EEIG2: variants seen among roughly 807,000 people sequenced by gnomAD.
EEIG2 encodes the protein EEIG family member 2.
At chr1:108,571,086 C>T in the EEIG2 span, among the ~76,000 whole-genome samples, 5 of 152,102 alleles carry the variant, frequency 3.3e-5, no homozygotes, top group African/African-American at 9.7e-5. Flanking sequence ...TTACGATAGC[C>T]AGAATGATTG....
At chr1:108,597,497 A>T in the EEIG2 span, among the ~76,000 whole-genome samples, 1 of 152,350 alleles carries the variant, frequency 6.6e-6, no homozygotes, top group East Asian at 1.9e-4. Flanking sequence ...TCAGGGAAGG[A>T]GAGGTCTGCA....
the EEIG2 span, among the ~76,000 whole-genome samples, chr1:108,593,074 C>T: frequency 6.6e-6 from 1 of 152,304 alleles, no homozygotes; most frequent in East Asian, 1.9e-4. Flanking sequence ...AGAAAAATTG[C>T]TTGAACCTGA....
At chr1:108,637,223 T>C in the EEIG2 span, 1 of 152,182 alleles carries the variant, frequency 6.6e-6, no homozygotes, top group African/African-American at 2.4e-5. Flanking sequence ...AGATACACCT[T>C]GATTTATGTA....
chr1:108,628,185 C>T, the EEIG2 span: 1 of 1,614,078 alleles, frequency 6.2e-7, no homozygotes. Context: ...GCAAAGAGTG[C>T]CTCTGTTCCA....
chr1:108,622,500 G>A, the EEIG2 span, among the ~76,000 whole-genome samples: 1 of 152,200 alleles, frequency 6.6e-6, no homozygotes, highest in Non-Finnish European at 1.5e-5. Context: ...ATGGGAAAAT[G>A]TTATTAGGAA....
At chr1:108,639,191 C>A in the EEIG2 span, 1 of 140,216 alleles carries the variant, frequency 7.1e-6, no homozygotes, top group African/African-American at 2.6e-5. Flanking sequence ...TATTTTATTT[C>A]TTTGTTTCAA....
chr1:108,588,655 T>C, the EEIG2 span, among the ~76,000 whole-genome samples: 1 of 152,128 alleles, frequency 6.6e-6, no homozygotes, highest in African/African-American at 2.4e-5. Context: ...TGAAATTTAC[T>C]CTCTTAGTGT....
chr1:108,565,643 T>C, the EEIG2 span, among the ~76,000 whole-genome samples: 1 of 152,166 alleles, frequency 6.6e-6, no homozygotes, highest in South Asian at 2.1e-4. Flanking sequence ...GATAGCCAAA[T>C]AGTTTTCTAA....
the EEIG2 span, among the ~76,000 whole-genome samples, chr1:108,608,686 T>C: frequency 6.6e-6 from 1 of 152,254 alleles, no homozygotes; most frequent in East Asian, 1.9e-4. Context: ...TAGTAACTTT[T>C]AGCCTGAAAT....
At chr1:108,561,772 A>G in the EEIG2 span, among the ~76,000 whole-genome samples, 2 of 152,230 alleles carry the variant, frequency 1.3e-5, no homozygotes, top group Non-Finnish European at 2.9e-5. Flanking sequence ...GGTGCAAAAA[A>G]AATATTGGAC....
At chr1:108,612,302 C>T in the EEIG2 span, 21 of 1,550,946 alleles carry the variant, frequency 1.4e-5, no homozygotes, top group East Asian at 4.5e-5. Context: ...AAAGTAAGCA[C>T]GTTTCAGGAT....
At chr1:108,589,574 T>A in the EEIG2 span, among the ~76,000 whole-genome samples, 1 of 152,042 alleles carries the variant, frequency 6.6e-6, no homozygotes, top group Non-Finnish European at 1.5e-5. Context: ...CCCCTTGGCT[T>A]TGGTGACAAC....
the EEIG2 span, among the ~76,000 whole-genome samples, chr1:108,574,653 A>T: frequency 1.3e-5 from 2 of 152,200 alleles, no homozygotes; most frequent in Admixed American, 6.5e-5. Context: ...CGGAAGGCTG[A>T]GGAGGAGAAT....
the EEIG2 span, among the ~76,000 whole-genome samples, chr1:108,603,781 AAGC>A: frequency 3.3e-5 from 5 of 152,390 alleles, no homozygotes; most frequent in South Asian, 2.1e-4. Flanking sequence ...TTTTTTAAAA[AAGC>A]AGCAAATTAA....
chr1:108,560,113 C>T, the EEIG2 span: 1 of 176,314 alleles, frequency 5.7e-6, no homozygotes. Flanking sequence ...CGGGCGGCAG[C>T]GGCGGCGGAG....
At chr1:108,623,580 A>G in the EEIG2 span, among the ~76,000 whole-genome samples, 1 of 152,208 alleles carries the variant, frequency 6.6e-6, no homozygotes, top group South Asian at 2.1e-4. Context: ...TACCCCATTT[A>G]CCCTAATGTG....
chr1:108,612,084 C>T, the EEIG2 span: 1 of 785,442 alleles, frequency 1.3e-6, no homozygotes, highest in East Asian at 2.7e-5. Flanking sequence ...TTGGAGAAAA[C>T]CTGTCTAGGG....
chr1:108,560,433 TGAA>T, the EEIG2 span: 64 of 1,607,258 alleles, frequency 4.0e-5, no homozygotes, highest in African/African-American at 8.1e-5. Context: ...CTCACGATGA[TGAA>T]GAAGAAGAAG....
chr1:108,586,401 C>A, the EEIG2 span, among the ~76,000 whole-genome samples: 1 of 151,560 alleles, frequency 6.6e-6, no homozygotes, highest in Non-Finnish European at 1.5e-5. Flanking sequence ...TAGATCCAGA[C>A]AACATATGTT....
Sources: allele counts gnomAD v4.1 joint callset (sites outside exome capture counted in the v4.1 genomes callset), GRCh38; gene constraint gnomAD v4.1.1; transcripts MANE v1.5; gene names NCBI Gene and HGNC (gene_info 2026-07-23, HGNC 2026-07-21).